Variants in SPTBN5 observed in about 807,000 individuals in gnomAD.
The protein encoded by SPTBN5 is spectrin beta, non-erythrocytic 5.
In SPTBN5, 513 loss-of-function variants were observed where a neutral mutation model predicts 477.6. The ratio of observed to expected loss-of-function variants is 1.07; its 90% CI spans 1.00 to 1.16. SPTBN5 has a LOEUF of 1.16. Among genes scored for constraint, SPTBN5 ranks in the 50% most tolerant of loss-of-function variants. SPTBN5 has a pLI of 0.00. For synonymous variants in SPTBN5, 2,169 were observed against 2,011.7 expected, an observed-to-expected ratio of 1.08 and a Z score of -2.09; for missense variants, 5,062 against 4,731.8, an observed-to-expected ratio of 1.07 and a Z score of -2.05.
intron 67 of SPTBN5, among the ~76,000 whole-genome samples, chr15:41,848,882 G>A (rs754597204): frequency 3.3e-5 from 5 of 152,204 alleles, no homozygotes; most frequent in Non-Finnish European, 7.3e-5. Context: ...CCCTGGGTTA[G>A]AGACAGCAGA....
In SPTBN5 at chr15:41,862,124, A is replaced by C. The variant is rs771237018; in HGVS notation, c.7548+6T>G. On this transcript the variant is annotated splice_donor_region_variant and intron_variant, in intron 44 of 67. Coordinates refer to ENST00000320955, the MANE Select transcript of SPTBN5 (RefSeq NM_016642.4). ...TGGGAAAGGCTTGGGCCAGCTGCCC[A>C]TTCACCTTGCACTCCTGATGCTCTT... 3 of 1,559,932 alleles carry C rather than the reference A, an allele frequency of 1.9e-6. No homozygotes were observed. In the East Asian group the frequency reaches 6.9e-5, roughly 36 times the overall value.
intron 26 of SPTBN5, among the ~76,000 whole-genome samples, chr15:41,873,148 C>G (rs1253741734): frequency 1.3e-5 from 2 of 152,080 alleles, no homozygotes; most frequent in African/African-American, 4.8e-5. Flanking sequence ...AGGAAGACAC[C>G]TGTGGGAGAT....
chr15:41,874,196 A>T, intron 24 of SPTBN5, 96 bp downstream of exon 24: 1 of 1,509,786 alleles, frequency 6.6e-7, no homozygotes, highest in Non-Finnish European at 9.0e-7. Context: ...CCCAGGGGTG[A>T]GGGCTTAGAG....
Position 41,853,638 on chromosome 15 carries a change from C to T in SPTBN5, c.9924G>A (p.Gln3308=). 1.9e-6 allele frequency: 3 copies of T among 1,594,406 alleles called. No individual in the cohort carries two copies. The highest frequency in any genetic ancestry group is 2.6e-6 in the Non-Finnish European group (3 of 1,171,138). The change falls in exon 58 of 68, where the codon CAG becomes CAA. Residue 3308 remains glutamine (Q), a synonymous_variant. Transcript: ENST00000320955. ...GGCCCTGTGCAGCCTGCGCCAGCCA[C>T]TGGCCTCGCTCCTGGGCCTTCGCCT... The part of the protein sequence containing the change: ...TLQAKAQERG[Q]WLAQAAQGHA...
chr15:41,876,583 T>A lies in SPTBN5; in HGVS notation c.3916A>T (p.Arg1306Trp). 1.2e-6 allele frequency: 2 copies of A among 1,606,324 alleles called. No homozygotes were observed. The highest frequency in any genetic ancestry group is 1.3e-5 in the African/African-American group (1 of 74,100). The part of the protein sequence containing the change: ...WTRLQGRSEQ[R>W]RRQLLASLQL... ...AGGGAAGCCAGCAACTGCCTCCTCC[T>A]CTGCTCACTCCTCCCCTGGAGCCTG... is the stretch of plus-strand genomic sequence containing the variant. The change falls in exon 20 of 68, where the codon AGG (arginine) becomes TGG (tryptophan). Residue 1306 changes from arginine to tryptophan, a missense_variant. By Grantham distance (101) the Arg-to-Trp change is moderately radical. Coordinates refer to ENST00000320955, the MANE Select transcript of SPTBN5 (RefSeq NM_016642.4).
rs760923419 is a variant in SPTBN5 at position 41,856,500 on chromosome 15, C to T, written c.8907G>A (p.Glu2969=). The change falls in exon 53 of 68, where the codon GAG becomes GAA. Residue 2969 remains glutamate (E), a synonymous_variant. Coordinates refer to ENST00000320955, the MANE Select transcript of SPTBN5 (RefSeq NM_016642.4). ...LVQAGHFAAH[E]VAARVQQLEK... ...CCAGCTGCTGCACCCGGGCGGCCAC[C>T]TCGTGGGCGGCAAAGTGCCCAGCCT... The T allele has an allele frequency of 3.1e-6, 5 of 1,598,906 alleles. No individual in the cohort carries two copies. In the East Asian group the frequency reaches 1.1e-4, roughly 36 times the overall value.
chr15:41,867,532 C>A lies in SPTBN5; in HGVS notation c.6312+6G>T. 1.9e-6 allele frequency: 3 copies of A among 1,613,510 alleles called. No homozygotes were observed. Among genetic ancestry groups the A allele is most frequent in the Non-Finnish European group, 2.5e-6 (3 of 1,179,538 alleles). On this transcript the variant is annotated splice_donor_region_variant and intron_variant, in intron 35 of 67. Transcript: ENST00000320955. ...TGACCACGCCCAGGCCTCCTGACTC[C>A]ATTACCTTCTTGTCCTGGGCAGTCA...
Position 41,876,613 on chromosome 15 carries a change from A to G in SPTBN5, c.3886T>C (p.Trp1296Arg). The G allele has an allele frequency of 3.2e-6, 5 of 1,584,588 alleles. No individual in the cohort carries two copies. Among genetic ancestry groups the G allele is most frequent in the Non-Finnish European group, 4.3e-6 (5 of 1,168,866 alleles). ...REQLQSIQAQ[W>R]TRLQGRSEQR... Reference sequence around the variant, plus strand: ...TCACTCCTCCCCTGGAGCCTGGTCCACTGTGCCTGGATACTCTGCAGCTGC... The same window carrying G: ...TCACTCCTCCCCTGGAGCCTGGTCCGCTGTGCCTGGATACTCTGCAGCTGC... Residue 1296 changes from tryptophan (W) to arginine (R), a missense_variant, in exon 20 of 68, where the codon TGG (tryptophan) becomes CGG (arginine). Trp to Arg is a moderately radical substitution (Grantham distance 101). Coordinates refer to ENST00000320955, the MANE Select transcript of SPTBN5 (RefSeq NM_016642.4).
chr15:41,860,596 T>C lies in SPTBN5; in HGVS notation c.7978A>G (p.Met2660Val). The C allele has an allele frequency of 1.4e-6, 2 of 1,454,472 alleles. No homozygotes were observed. The highest frequency in any genetic ancestry group is 2.6e-5 in the Admixed American group (1 of 38,974). 90.1% of individuals were successfully genotyped at this position (1,454,472 alleles called of 1,614,324 possible). ...CAGAGCCACCACTACCTCAGAAGCATGGCCTGGCACCTGCCCAGGGCACTC... is the reference window on the plus strand; with the variant it reads ...CAGAGCCACCACTACCTCAGAAGCACGGCCTGGCACCTGCCCAGGGCACTC... Reference protein sequence around the residue: ...AQSALGRCQAMLLRKEALFRQ... With the variant: ...AQSALGRCQAVLLRKEALFRQ... The change falls in exon 47 of 68, where the codon ATG (methionine) becomes GTG (valine). Residue 2660 changes from methionine to valine, a missense_variant. Physicochemically the swap from Met to Val is conservative, Grantham distance 21. Transcript: ENST00000320955.
rs777084569 is a variant in SPTBN5, at chr15:41,863,806, GA to G, written c.7046del (p.Phe2349SerfsTer38). Reference protein sequence around the residue: ...RSQLNNRWASFHGNLLRYQQQ... With the variant: ...RSQLNNRWASXHGNLLRYQQQ... ...GCTGGTACCGGAGCAAGTTGCCATG[GA>G]AACTCGCCCACCTGGCCAAGGGGTG... On this transcript the variant is annotated frameshift_variant, in exon 41 of 68. Transcript: ENST00000320955. LOFTEE classifies it high-confidence loss of function. 126 of 1,613,774 alleles carry G rather than the reference GA, an allele frequency of 7.8e-5. No individual in the cohort carries two copies. Among genetic ancestry groups the G allele is most frequent in the Non-Finnish European group, 1.0e-4 (119 of 1,179,878 alleles).
At position 41,852,256 on chromosome 15, in the gene SPTBN5, G is replaced by A; in HGVS notation, c.10510C>T (p.Leu3504=). 1 of 1,609,772 alleles carries A rather than the reference G, an allele frequency of 6.2e-7. No homozygotes were observed. ...ELKPGRAGSS[L]TSFQWRPSGH... is the part of the protein sequence containing the mutation. Reference sequence around the variant, plus strand: ...GAGGGCCTCCACTGAAAGGATGTCAGCGAGCTGCCAGCTCTCCCGGGCTTC... The same window carrying A: ...GAGGGCCTCCACTGAAAGGATGTCAACGAGCTGCCAGCTCTCCCGGGCTTC... The change falls in exon 62 of 68, where the codon CTG becomes TTG. Residue 3504 remains leucine, a synonymous_variant. Transcript: ENST00000320955.
At chr15:41,861,214 C>T (rs986430113) in intron 46 of SPTBN5, among the ~76,000 whole-genome samples, 3 of 152,208 alleles carry the variant, frequency 2.0e-5, no homozygotes, top group Non-Finnish European at 4.4e-5. Context: ...CCTTGGTGTT[C>T]GCGGTGGGGC....
chr15:41,875,744 T>C, intron 21 of SPTBN5, 122 bp from the exon 22 acceptor site: 1 of 1,056,866 alleles, frequency 9.5e-7, no homozygotes, highest in Non-Finnish European at 1.3e-6. Context: ...CTCCACGGGC[T>C]GCCTGGAAGA....
In SPTBN5 at chr15:41,852,268, C is replaced by G. The variant is rs755856572; in HGVS notation, c.10498G>C (p.Ala3500Pro). Residue 3500 changes from alanine to proline, a missense_variant, in exon 62 of 68, where the codon GCT (alanine) becomes CCT (proline). Coordinates refer to ENST00000320955, the MANE Select transcript of SPTBN5 (RefSeq NM_016642.4). ...LQPQELKPGR[A>P]GSSLTSFQWR... is the part of the protein sequence containing the mutation. ...TGAAAGGATGTCAGCGAGCTGCCAG[C>G]TCTCCCGGGCTTCAGCTCCTGTGGC... 3 of 1,606,118 alleles carry G rather than the reference C, an allele frequency of 1.9e-6. No homozygotes were observed. Among genetic ancestry groups the G allele is most frequent in the Non-Finnish European group, 2.6e-6 (3 of 1,176,326 alleles).
At position 41,863,961 on chromosome 15, in the gene SPTBN5, C is replaced by T; in HGVS notation, c.6982G>A (p.Asp2328Asn). Residue 2328 changes from aspartate (D) to asparagine (N), a missense_variant, in exon 40 of 68, where the codon GAC becomes AAC. Transcript: ENST00000320955. ...CAGATGATCTTGACTTCCTCAGGGTCCCGGTTCTTGAGCTGCAGTGACAAG... is the reference window on the plus strand; with the variant it reads ...CAGATGATCTTGACTTCCTCAGGGTTCCGGTTCTTGAGCTGCAGTGACAAG... ...SDLSLQLKNR[D>N]PEEVKIICQR... The T allele has an allele frequency of 1.9e-6, 3 of 1,613,876 alleles. No individual in the cohort carries two copies. Among genetic ancestry groups the T allele is most frequent in the South Asian group, 2.2e-5 (2 of 91,072 alleles).
chr15:41,855,965 T>C (rs1384528448), intron 53 of SPTBN5, among the ~76,000 whole-genome samples: 1 of 152,232 alleles, frequency 6.6e-6, no homozygotes, highest in Non-Finnish European at 1.5e-5. Context: ...CCATGCAAAA[T>C]AGACATTTTA....
At chr15:41,882,541 G>A (rs750443895) in intron 10 of SPTBN5, 44 bp downstream of exon 10, 1 of 1,593,058 alleles carries the variant, frequency 6.3e-7, no homozygotes, top group South Asian at 1.1e-5. Flanking sequence ...GAGAGGGAAG[G>A]GCAAGGCGCT....
chr15:41,853,055 C>T (rs1202417913), intron 59 of SPTBN5, 55 bp from the exon 60 acceptor site: 6 of 1,460,484 alleles, frequency 4.1e-6, no homozygotes, highest in Non-Finnish European at 5.4e-6. Context: ...CCACCATGGG[C>T]AGGGCAGGGC....
chr15:41,873,092 A>C (rs2066599782), intron 26 of SPTBN5, among the ~76,000 whole-genome samples: 1 of 152,182 alleles, frequency 6.6e-6, no homozygotes, highest in African/African-American at 2.4e-5. Flanking sequence ...GGTCGGCTTC[A>C]TGAAGGGCAT....
Sources: gnomAD v4.1 joint callset for allele counts (sites outside exome capture counted in the v4.1 genomes callset) on GRCh38, gnomAD v4.1.1 for gene constraint, MANE v1.5 for transcripts, NCBI Gene and HGNC (gene_info 2026-07-23, HGNC 2026-07-21) for gene names.